Variants in TMEM273 observed in about 807,000 individuals in gnomAD.
TMEM273 encodes the protein transmembrane protein 273.
In TMEM273, 19 loss-of-function variants were observed where a neutral mutation model predicts 17.9. That is an observed-to-expected ratio of 1.06 (90% CI 0.74 to 1.55). The LOEUF (loss-of-function observed/expected upper bound fraction) is 1.55, where lower values mean the gene tolerates loss of function less well. Among genes scored for constraint, TMEM273 ranks in the 40% most tolerant of loss-of-function variants. TMEM273 has a pLI of 0.00. For synonymous variants in TMEM273, 66 were observed against 62.0 expected (o/e 1.07, Z -0.31); for missense variants, 194 against 155.6 (o/e 1.25, Z -1.31).
chr10:49,170,690 C>A (rs753813979), intron 1 of TMEM273, among the ~76,000 whole-genome samples: 6 of 152,206 alleles, frequency 3.9e-5, no homozygotes, highest in Admixed American at 6.5e-5. Context: ...GCGAGCCAGC[C>A]CCACAGCCAC....
In TMEM273 at chr10:49,155,840, G is replaced by A. The variant is rs1167911687; in HGVS notation, c.*52C>T. The A allele has an allele frequency of 1.9e-6, 3 of 1,613,736 alleles. No individual in the cohort carries two copies. The African/African-American group carries it at 4.0e-5, about 22-fold the overall frequency. On this transcript the variant is annotated 3_prime_UTR_variant, in exon 7 of 7. Transcript: ENST00000374153. ...GAACATCCTGAGATGTTAACCATGG[G>A]CTGTTTTCCACGGGGCTAGAACCCC...
At chr10:49,186,540 C>T (rs1183524484) in intron 1 of TMEM273, among the ~76,000 whole-genome samples, 2 of 152,218 alleles carry the variant, frequency 1.3e-5, no homozygotes, top group Admixed American at 6.5e-5. Flanking sequence ...ATAGTGAGTG[C>T]TCACCACTTA....
chr10:49,166,598 A>G, intron 3 of TMEM273: 1 of 468,088 alleles, frequency 2.1e-6, no homozygotes, highest in Admixed American at 3.4e-5. Flanking sequence ...AAAAGTACAG[A>G]GGGAAAGAGA....
At chr10:49,185,812 C>G (rs1169966415) in intron 1 of TMEM273, among the ~76,000 whole-genome samples, 1 of 151,976 alleles carries the variant, frequency 6.6e-6, no homozygotes, top group Non-Finnish European at 1.5e-5. Flanking sequence ...AGCCGCATCT[C>G]TACTAAAAAT....
intron 6 of TMEM273, among the ~76,000 whole-genome samples, chr10:49,159,090 AAC>A: frequency 6.6e-6 from 1 of 152,286 alleles, no homozygotes; most frequent in East Asian, 1.9e-4. Context: ...TTACAAGAGA[AAC>A]ACTTCTCTGA....
In TMEM273 at chr10:49,169,472, C is replaced by T. The variant is rs564828241; in HGVS notation, c.44-1510G>A. Among the ~76,000 whole-genome samples, 20 of 152,260 alleles carry T rather than the reference C, an allele frequency of 1.3e-4. 1 individual carries two copies. The South Asian group carries it at 1.5e-3, about 11-fold the overall frequency. On this transcript the variant is annotated intron_variant, in intron 1 of 6. Transcript: ENST00000374153. ...TCCTGCTAGAGTTCAGAATTTTTTC[C>T]GGCAGTCTAATTTTTTAGACTGGTA...
At chr10:49,178,374 C>A in intron 1 of TMEM273, 1 of 446,018 alleles carries the variant, frequency 2.2e-6, no homozygotes. Flanking sequence ...TGAGCAGGTT[C>A]TAGAGCAATG....
chr10:49,156,491 C>T (rs1309765534), intron 6 of TMEM273, among the ~76,000 whole-genome samples: 1 of 152,154 alleles, frequency 6.6e-6, no homozygotes, highest in East Asian at 1.9e-4. Flanking sequence ...GGATGCAGAC[C>T]CTGCGAAGGG....
At chr10:49,173,064 G>A (rs953459586) in intron 1 of TMEM273, among the ~76,000 whole-genome samples, 4 of 152,210 alleles carry the variant, frequency 2.6e-5, no homozygotes, top group African/African-American at 7.2e-5. Context: ...CCAGAGCTGA[G>A]AGCTATGGGG....
chr10:49,156,928 A>G (rs1435240505), intron 6 of TMEM273, among the ~76,000 whole-genome samples: 1 of 152,234 alleles, frequency 6.6e-6, no homozygotes, highest in Non-Finnish European at 1.5e-5. Context: ...ATTCCAAGCA[A>G]GGGCCTCAAA....
intron 1 of TMEM273, among the ~76,000 whole-genome samples, chr10:49,187,308 A>G (rs1428940255): frequency 3.3e-5 from 5 of 152,144 alleles, no homozygotes; most frequent in Non-Finnish European, 5.9e-5. Context: ...GCTGACTCCC[A>G]AGGCCAAAGT....
At chr10:49,159,231 C>A (rs898533917) in intron 6 of TMEM273, among the ~76,000 whole-genome samples, 29 of 152,028 alleles carry the variant, frequency 1.9e-4, no homozygotes, top group African/African-American at 6.5e-4. Context: ...AAATATAATA[C>A]ACACTAAAAC....
intron 6 of TMEM273, 66 bp downstream of exon 6, chr10:49,161,533 T>G (rs763617147): frequency 1.9e-6 from 3 of 1,605,482 alleles, no homozygotes; most frequent in African/African-American, 1.3e-5. Context: ...CGAAAACCCA[T>G]GCAGCCCCAT....
chr10:49,161,274 G>T (rs768207725), intron 6 of TMEM273: 5 of 351,670 alleles, frequency 1.4e-5, no homozygotes, highest in South Asian at 6.7e-5. Context: ...GACTAAATTG[G>T]CTAATTATTA....
rs150018526 is a variant in TMEM273 at position 49,166,424 on chromosome 10, C to T, written c.238+445G>A. The T allele has an allele frequency of 8.0e-4, 185 of 230,796 alleles. 2 individuals are homozygous for T. The highest frequency in any genetic ancestry group is 1.6e-3 in the Middle Eastern group (1 of 612). 14.3% of individuals were successfully genotyped at this position (230,796 alleles called of 1,614,324 possible). A position where few individuals can be genotyped will look rare whatever the true frequency, so the allele number is the denominator to read the frequency against. ...CAGTGTCAACAGAACCTCCCACCAT[C>T]CGCCCACACTTAGGACCAACCTCGC... On this transcript the variant is annotated intron_variant, in intron 3 of 6. Transcript: ENST00000374153.
At chr10:49,166,776 G>C (rs1846211373) in intron 3 of TMEM273, 93 bp downstream of exon 3, 1 of 1,567,616 alleles carries the variant, frequency 6.4e-7, no homozygotes, top group African/African-American at 1.3e-5. Context: ...CTCTGCGCTT[G>C]TGGGTTCATT....
At position 49,166,650 on chromosome 10, in the gene TMEM273, A is replaced by G. The variant is rs1051389028; in HGVS notation, c.238+219T>C. 1.3e-4 allele frequency: 82 copies of G among 607,670 alleles called. No homozygotes were observed. In the Admixed American group the frequency reaches 1.6e-3, roughly 12 times the overall value. The allele number at this position is 607,670 out of a possible 1,614,324, so 37.6% of individuals were successfully genotyped here. On this transcript the variant is annotated intron_variant, in intron 3 of 6. Coordinates refer to ENST00000374153, the MANE Select transcript of TMEM273 (RefSeq NM_001288740.3). The stretch of plus-strand genomic sequence containing the variant: ...CATGGAAAGGGAGACAGAAAAAGGA[A>G]CACAAATAGAGAGACAGAGAGAGAT...
intron 1 of TMEM273, among the ~76,000 whole-genome samples, chr10:49,187,963 A>G (rs568577583): frequency 6.6e-6 from 1 of 152,270 alleles, no homozygotes; most frequent in African/African-American, 2.4e-5. Flanking sequence ...CTCCCATCTC[A>G]TTGGTTCAGA....
At chr10:49,160,299 C>A (rs1845763841) in intron 6 of TMEM273, 1 of 152,138 alleles carries the variant, frequency 6.6e-6, no homozygotes, top group Non-Finnish European at 1.5e-5. Context: ...CGAAGCATCA[C>A]CAACAGTGAT....
Sources: allele counts gnomAD v4.1 joint callset (sites outside exome capture counted in the v4.1 genomes callset), GRCh38; gene constraint gnomAD v4.1.1; transcripts MANE v1.5; gene names NCBI Gene and HGNC (gene_info 2026-07-23, HGNC 2026-07-21).